The following GTF2I variants were observed in gnomAD, a reference collection of about 807,000 sequenced individuals.
GTF2I encodes general transcription factor II-I.
GTF2I carries 12 observed loss-of-function variants against 67.6 expected under a neutral mutation model. The observed-to-expected ratio is 0.18, with a 90% CI of 0.11 to 0.29. The LOEUF is 0.29. Among genes scored for constraint, GTF2I ranks in the 10% least tolerant of loss-of-function variants. The pLI is 1.00. For missense variants in GTF2I, 271 were observed against 580.1 expected (o/e 0.47, Z 5.47); for synonymous variants, 149 against 197.0 (o/e 0.76, Z 2.04).
intron 1 of GTF2I, among the ~76,000 whole-genome samples, chr7:74,681,117 G>C (rs1256469314): frequency 6.6e-6 from 1 of 152,146 alleles, no homozygotes; most frequent in Non-Finnish European, 1.5e-5. Flanking sequence ...AAAAAACGTT[G>C]AGAATAGAAG....
intron 3 of GTF2I, among the ~76,000 whole-genome samples, chr7:74,696,487 C>G (rs1028620419): frequency 6.6e-6 from 1 of 150,652 alleles, no homozygotes; most frequent in African/African-American, 2.4e-5. Context: ...TCACTACACT[C>G]GGCTAATTTT....
At chr7:74,676,207 CATTTATA>C (rs1278004985) in intron 1 of GTF2I, among the ~76,000 whole-genome samples, 1 of 151,962 alleles carries the variant, frequency 6.6e-6, no homozygotes, top group East Asian at 1.9e-4. Context: ...AGATGTCGAC[CATTTATA>C]ATAAACTTAT....
At chr7:74,691,135 T>C (rs1314652749) in intron 3 of GTF2I, 24 bp downstream of exon 3, 8 of 1,487,170 alleles carry the variant, frequency 5.4e-6, no homozygotes, top group Admixed American at 1.8e-5. Flanking sequence ...TTTTATCTTT[T>C]GCATTTCATT....
chr7:74,675,681 A>G (rs2131235032), intron 1 of GTF2I, among the ~76,000 whole-genome samples: 1 of 152,184 alleles, frequency 6.6e-6, no homozygotes, highest in Non-Finnish European at 1.5e-5. Context: ...AATATTTAAA[A>G]TCGGATTAAA....
At chr7:74,750,656 A>G (rs1391504249) in intron 26 of GTF2I, among the ~76,000 whole-genome samples, 2 of 74,226 alleles carry the variant, frequency 2.7e-5, no homozygotes, top group Non-Finnish European at 4.5e-5. Flanking sequence ...CCAAGACTGG[A>G]GTGCAGTGGT....
intron 1 of GTF2I, among the ~76,000 whole-genome samples, chr7:74,672,825 A>G (rs1264500092): frequency 6.6e-6 from 1 of 152,136 alleles, no homozygotes; most frequent in African/African-American, 2.4e-5. Flanking sequence ...CAATATCGAC[A>G]ACAATGACAT....
intron 1 of GTF2I, among the ~76,000 whole-genome samples, chr7:74,681,743 C>G (rs1787291990): frequency 1.3e-5 from 2 of 152,150 alleles, no homozygotes; most frequent in South Asian, 4.1e-4. Flanking sequence ...AAAATCCTGT[C>G]TCTACTAAAA....
chr7:74,711,170 G>A (rs969868125), intron 9 of GTF2I, 61 bp downstream of exon 9: 3 of 719,460 alleles, frequency 4.2e-6, no homozygotes, highest in Non-Finnish European at 7.0e-6. Context: ...ATTAAAATTT[G>A]CTCATCAATT....
intron 1 of GTF2I, among the ~76,000 whole-genome samples, chr7:74,688,026 A>G (rs1209306180): frequency 6.6e-6 from 1 of 152,150 alleles, no homozygotes; most frequent in Non-Finnish European, 1.5e-5. Flanking sequence ...AGATTTTGCC[A>G]TCTTAGTATG....
rs781983673 is a variant in GTF2I at position 74,700,248 on chromosome 7, G to T, written c.375G>T (p.Gly125=). The part of the protein sequence containing the change: ...TVEDYFCFCY[G]KALGKSTVVP... ...TCATCCGCTTTTCATCTGCCCCAGG[G>T]AAAGCTTTAGGCAAATCCACAGTGG... Residue 125 remains glycine (G), a splice_region_variant and synonymous_variant, in exon 5 of 35, where the codon GGG becomes GGT. Transcript: ENST00000573035. 10 of 1,613,302 alleles carry T rather than the reference G, an allele frequency of 6.2e-6. No homozygotes were observed. Among genetic ancestry groups the T allele is most frequent in the Non-Finnish European group, 8.5e-6 (10 of 1,179,672 alleles).
chr7:74,691,208 CTTTTTTTT>C, intron 3 of GTF2I, 97 bp downstream of exon 3: 6 of 659,604 alleles, frequency 9.1e-6, no homozygotes, highest in Non-Finnish European at 1.4e-5. Context: ...TTCTTTCTTT[CTTTTTTTT>C]TTTTTTTGAG....
At chr7:74,665,661 G>T (rs587724236) in intron 1 of GTF2I, among the ~76,000 whole-genome samples, 54 of 152,336 alleles carry the variant, frequency 3.5e-4, no homozygotes, top group African/African-American at 1.3e-3. Flanking sequence ...AGACACTCAA[G>T]AAATATTAGT....
chr7:74,726,960 C>A (rs1793903542), intron 12 of GTF2I: 1 of 151,756 alleles, frequency 6.6e-6, no homozygotes. Flanking sequence ...TGAGACCCTG[C>A]CGATAGATAG....
Position 74,753,873 on chromosome 7 carries a change from TG to T in GTF2I, c.2670del (p.Val892PhefsTer14). 1 of 258,580 alleles carries T rather than the reference TG, an allele frequency of 3.9e-6. No individual in the cohort carries two copies. Among genetic ancestry groups the T allele is most frequent in the Non-Finnish European group, 5.4e-6 (1 of 183,870 alleles). 16.0% of individuals were successfully genotyped at this position (258,580 alleles called of 1,614,324 possible). A position where few individuals can be genotyped will look rare whatever the true frequency, so the allele number is the denominator to read the frequency against. ...GAAGCTATTGGTATGGGTTTTCCTGTGAAAGTTCCCTACAGGAAAATCACAA... is the reference window on the plus strand; with the variant it reads ...GAAGCTATTGGTATGGGTTTTCCTGTAAAGTTCCCTACAGGAAAATCACAA... ...FGEAIGMGFPVKVPYRKITIN... is the reference protein window; with the variant it reads ...FGEAIGMGFPXKVPYRKITIN... On this transcript the variant is annotated frameshift_variant, in exon 30 of 35. Transcript: ENST00000573035. LOFTEE classifies it high-confidence loss of function.
chr7:74,702,144 T>TTTTG (rs1349801946), intron 6 of GTF2I, among the ~76,000 whole-genome samples: 1 of 152,162 alleles, frequency 6.6e-6, no homozygotes, highest in Non-Finnish European at 1.5e-5. Flanking sequence ...TTGAGCAAGG[T>TTTTG]TTTGTCTGGA....
At chr7:74,675,830 C>G (rs1007130492) in intron 1 of GTF2I, among the ~76,000 whole-genome samples, 11 of 151,894 alleles carry the variant, frequency 7.2e-5, no homozygotes, top group African/African-American at 2.4e-4. Flanking sequence ...GCAAACATGG[C>G]AAAACCCCGT....
At chr7:74,679,007 T>C (rs1490141357) in intron 1 of GTF2I, among the ~76,000 whole-genome samples, 2 of 150,182 alleles carry the variant, frequency 1.3e-5, no homozygotes, top group Non-Finnish European at 3.0e-5. Flanking sequence ...CCTGACCTTG[T>C]GATTTGCCCA....
intron 18 of GTF2I, among the ~76,000 whole-genome samples, chr7:74,737,655 A>AGTTT (rs1794914828): frequency 1.6e-5 from 2 of 124,510 alleles, no homozygotes; most frequent in African/African-American, 5.6e-5. Flanking sequence ...GGAAGGGTAA[A>AGTTT]CCTTCCTTAC....
At position 74,734,532 on chromosome 7, in the gene GTF2I, C is replaced by T. The variant is rs587648786; in HGVS notation, c.1363+551C>T. On this transcript the variant is annotated intron_variant, in intron 16 of 34. Coordinates refer to ENST00000573035, the MANE Select transcript of GTF2I (RefSeq NM_032999.4). ...CCGCCTCCTGGGTTCAAGCAGTTCT[C>T]CTGCCTCAGCCTCCCTGTAGCTGGG... Among the ~76,000 whole-genome samples, 1,179 of 151,994 alleles carry T rather than the reference C, an allele frequency of 7.8e-3. 1 individual carries two copies. The highest frequency in any genetic ancestry group is 0.025 in the African/African-American group (1,050 of 41,402).
Sources: allele counts gnomAD v4.1 joint callset (sites outside exome capture counted in the v4.1 genomes callset), GRCh38; gene constraint gnomAD v4.1.1; transcripts MANE v1.5; gene names NCBI Gene and HGNC (gene_info 2026-07-23, HGNC 2026-07-21).